Variants in ZBTB16 observed in about 807,000 individuals in gnomAD.
ZBTB16 encodes zinc finger and BTB domain-containing protein 16.
In ZBTB16, 8 loss-of-function variants were observed where a neutral mutation model predicts 56.8. That is an observed-to-expected ratio of 0.14 (90% confidence interval 0.08 to 0.25). The LOEUF is 0.25. ZBTB16 is among the 10% of genes least tolerant of loss of function. The pLI is 1.00. For missense variants in ZBTB16, 625 were observed against 903.0 expected (o/e 0.69, Z 3.95); for synonymous variants, 363 against 368.5 (o/e 0.98, Z 0.17).
At chr11:114,144,487 G>T (rs1942046601) in intron 2 of ZBTB16, among the ~76,000 whole-genome samples, 1 of 152,180 alleles carries the variant, frequency 6.6e-6, no homozygotes, top group African/African-American at 2.4e-5. Flanking sequence ...CAAGGAGTCT[G>T]TGTAGAAAGG....
At chr11:114,127,879 A>G (rs1053788926) in intron 2 of ZBTB16, among the ~76,000 whole-genome samples, 1 of 152,058 alleles carries the variant, frequency 6.6e-6, no homozygotes, top group African/African-American at 2.4e-5. Context: ...TGGACAGCGC[A>G]CCTAAGCTCA....
At chr11:114,074,300 A>G (rs965254165) in intron 2 of ZBTB16, among the ~76,000 whole-genome samples, 1 of 152,216 alleles carries the variant, frequency 6.6e-6, no homozygotes, top group Non-Finnish European at 1.5e-5. Context: ...TCTCCTTGCC[A>G]TAGTGAGAAG....
At chr11:114,075,629 G>GTATATATATATATATATATATATATA (rs10526570) in intron 2 of ZBTB16, among the ~76,000 whole-genome samples, 124 of 141,032 alleles carry the variant, frequency 8.8e-4, no homozygotes, top group Middle Eastern at 6.8e-3. Context: ...GCTAATTTTT[G>GTATATATATATATATATATATATATA]TATATATATA....
intron 4 of ZBTB16, among the ~76,000 whole-genome samples, chr11:114,210,188 T>TGC (rs1205256098): frequency 2.1e-3 from 309 of 144,078 alleles, no homozygotes; most frequent in African/African-American, 7.2e-3. Flanking sequence ...TGTGTGTGTG[T>TGC]GTGTGCGTGC....
chr11:114,126,942 A>T (rs1941524934), intron 2 of ZBTB16, among the ~76,000 whole-genome samples: 1 of 152,164 alleles, frequency 6.6e-6, no homozygotes, highest in Non-Finnish European at 1.5e-5. Flanking sequence ...TGGGTGTAAT[A>T]GTCTCTTCTC....
At chr11:114,177,354 G>A (rs1026397139) in intron 3 of ZBTB16, among the ~76,000 whole-genome samples, 12 of 152,142 alleles carry the variant, frequency 7.9e-5, no homozygotes, top group African/African-American at 2.7e-4. Context: ...GGGTTCTAGC[G>A]ATTCTCCTGC....
chr11:114,128,163 T>C (rs1275756122), intron 2 of ZBTB16, among the ~76,000 whole-genome samples: 2 of 152,232 alleles, frequency 1.3e-5, no homozygotes, highest in African/African-American at 4.8e-5. Context: ...GCACAGTGTG[T>C]CCACCATTGC....
Position 114,156,328 on chromosome 11 carries a change from C to G in ZBTB16, c.1269-9C>G, listed in dbSNP as rs1419310612. ...GCAGCAGCAACCTCTCTTTTCCTTT[C>G]CCTTACAGGAAGCTGCACAGTGGGA... On this transcript the variant is annotated splice_polypyrimidine_tract_variant and intron_variant, in intron 2 of 6. Transcript: ENST00000335953. The G allele has an allele frequency of 1.2e-6, 2 of 1,614,108 alleles. No homozygotes were observed. The highest frequency in any genetic ancestry group is 2.7e-5 in the African/African-American group (2 of 75,060).
At chr11:114,247,814 G>T (rs1944845203) in intron 6 of ZBTB16, among the ~76,000 whole-genome samples, 1 of 152,200 alleles carries the variant, frequency 6.6e-6, no homozygotes, top group South Asian at 2.1e-4. Context: ...TGTAAAGTTA[G>T]ATTGTGTTTG....
At chr11:114,070,132 C>T (rs866212860) in intron 2 of ZBTB16, among the ~76,000 whole-genome samples, 3 of 135,030 alleles carry the variant, frequency 2.2e-5, no homozygotes, top group African/African-American at 5.7e-5. Flanking sequence ...GACGGAGTCT[C>T]GCTCTGTCGC....
chr11:114,235,629 C>CCTTTCTTTCTTT (rs746433237), intron 4 of ZBTB16, among the ~76,000 whole-genome samples: 996 of 97,734 alleles, frequency 0.01, 13 homozygotes, highest in South Asian at 0.012. Flanking sequence ...CCTCTCCCTT[C>CCTTTCTTTCTTT]CTTTCTTTCT....
In ZBTB16 at chr11:114,254,182, GATATATAT is replaced by G. The variant is rs144303191; in HGVS notation, c.*3635_*3642del. Among the ~76,000 whole-genome samples, 2 of 149,532 alleles carry G rather than the reference GATATATAT, an allele frequency of 1.3e-5. No individual in the cohort carries two copies. The highest frequency in any genetic ancestry group is 4.9e-5 in the African/African-American group (2 of 40,738). On this transcript the variant is annotated 3_prime_UTR_variant, in exon 7 of 7. Coordinates refer to ENST00000335953, the MANE Select transcript of ZBTB16 (RefSeq NM_006006.6). Reference sequence around the variant, plus strand: ...GGATAGACAAATATATAGATATATAGATATATATATATATAGCAAGAGATTGATATAAA... The same window carrying G: ...GGATAGACAAATATATAGATATATAGATATATAGCAAGAGATTGATATAAA...
intron 3 of ZBTB16, among the ~76,000 whole-genome samples, chr11:114,181,261 C>T (rs1943242415): frequency 6.6e-6 from 1 of 152,208 alleles, no homozygotes; most frequent in African/African-American, 2.4e-5. Context: ...TGTATATCTA[C>T]CCACCAGCTG....
chr11:114,238,600 G>T (rs1290575123), intron 4 of ZBTB16, among the ~76,000 whole-genome samples: 1 of 152,020 alleles, frequency 6.6e-6, no homozygotes, highest in Non-Finnish European at 1.5e-5. Context: ...TCACCTTAGG[G>T]GTTAGGATTT....
chr11:114,225,664 C>A (rs1944315307), intron 4 of ZBTB16, among the ~76,000 whole-genome samples: 1 of 152,188 alleles, frequency 6.6e-6, no homozygotes. Flanking sequence ...AGAGGCCCCA[C>A]CTCCCAACAC....
intron 4 of ZBTB16, chr11:114,209,924 G>T: frequency 1.0e-6 from 1 of 985,422 alleles, no homozygotes; most frequent in Non-Finnish European, 1.2e-6. Context: ...TCTCAGGAAT[G>T]CAGCCACAGG....
At chr11:114,109,195 C>G (rs768498624) in intron 2 of ZBTB16, among the ~76,000 whole-genome samples, 13 of 152,232 alleles carry the variant, frequency 8.5e-5, no homozygotes, top group Non-Finnish European at 1.8e-4. Flanking sequence ...TTCAGTAGCT[C>G]TCCATCTGAA....
intron 4 of ZBTB16, among the ~76,000 whole-genome samples, chr11:114,191,926 A>T (rs1219005212): frequency 2.0e-5 from 3 of 152,214 alleles, no homozygotes; most frequent in African/African-American, 7.2e-5. Context: ...TGTTTAAAAG[A>T]TTATTCTGGC....
intron 2 of ZBTB16, among the ~76,000 whole-genome samples, chr11:114,104,666 C>T (rs1448131510): frequency 6.6e-6 from 1 of 152,182 alleles, no homozygotes; most frequent in Non-Finnish European, 1.5e-5. Context: ...CCTGGGAACC[C>T]AGAGGCCTGG....
Sources: allele counts gnomAD v4.1 joint callset (sites outside exome capture counted in the v4.1 genomes callset), GRCh38; gene constraint gnomAD v4.1.1; transcripts MANE v1.5; gene names NCBI Gene and HGNC (gene_info 2026-07-23, HGNC 2026-07-21).